PCDH11Y: variants seen among roughly 807,000 people sequenced by gnomAD.
PCDH11Y encodes the protein protocadherin 11 Y-linked.
For synonymous variants in PCDH11Y, 9 were observed against 83.6 expected (o/e 0.11, Z 4.87); for missense variants, 12 against 224.8 (o/e 0.05, Z 6.05).
At chrY:5,732,471 G>T (rs2053605379) in intron 4 of PCDH11Y, among the ~76,000 whole-genome samples, 1 of 32,649 alleles carries the variant, frequency 3.1e-5, no homozygotes, top group Admixed American at 2.8e-4. Flanking sequence ...TAGCTTTAAG[G>T]TTTCTGCTGA....
intron 4 of PCDH11Y, among the ~76,000 whole-genome samples, chrY:5,612,204 G>A: frequency 6.1e-5 from 2 of 32,787 alleles, no homozygotes; most frequent in South Asian, 6.9e-4. Flanking sequence ...TCCTCCTAGC[G>A]AGAGCCCGTT....
chrY:5,051,441 G>A, upstream of PCDH11Y, among the ~76,000 whole-genome samples: 1 of 33,184 alleles, frequency 3.0e-5, no homozygotes, highest in Admixed American at 2.8e-4. Context: ...ATAGACAAAC[G>A]TTATATTTTT....
intron 2 of PCDH11Y, among the ~76,000 whole-genome samples, chrY:5,385,893 G>T (rs2053214272): frequency 1.4e-3 from 48 of 33,161 alleles, no homozygotes; most frequent in Admixed American, 0.012. Context: ...GTTCCTTGTA[G>T]ATTCTGGATA....
At chrY:5,045,807 G>A (rs1602848139) in intron 3 of PCDH11Y, among the ~76,000 whole-genome samples, 4 of 32,434 alleles carry the variant, frequency 1.2e-4, no homozygotes, top group Non-Finnish European at 2.3e-4. Flanking sequence ...GGCTTTGCTC[G>A]TTTCTTTTTA....
chrY:5,674,407 G>A (rs2053551967), intron 4 of PCDH11Y, among the ~76,000 whole-genome samples: 1 of 32,628 alleles, frequency 3.1e-5, no homozygotes, highest in Non-Finnish European at 7.5e-5. Context: ...GGCCCACACA[G>A]CAGAAGTGGT....
At chrY:5,700,781 T>G in intron 4 of PCDH11Y, among the ~76,000 whole-genome samples, 1 of 33,679 alleles carries the variant, frequency 3.0e-5, no homozygotes, top group African/African-American at 1.2e-4. Flanking sequence ...GACTTTGGTA[T>G]TAAGTAACAG....
At chrY:5,029,964 T>C (rs2052586997) in intron 1 of PCDH11Y, among the ~76,000 whole-genome samples, 1 of 29,649 alleles carries the variant, frequency 3.4e-5, no homozygotes, top group Non-Finnish European at 8.1e-5. Context: ...GTGATGGATC[T>C]GGGCATTGAT....
chrY:5,151,710 T>A, intron 2 of PCDH11Y, among the ~76,000 whole-genome samples: 1 of 31,072 alleles, frequency 3.2e-5, no homozygotes, highest in South Asian at 7.2e-4. Context: ...ACCAAGCTAC[T>A]TATTTTGGGG....
intron 2 of PCDH11Y, among the ~76,000 whole-genome samples, chrY:5,369,484 T>C (rs2053185475): frequency 3.0e-5 from 1 of 33,458 alleles, no homozygotes; most frequent in Non-Finnish European, 7.4e-5. Flanking sequence ...TGTGTAACTA[T>C]AAGTCCAATT....
At chrY:5,265,333 G>A in intron 2 of PCDH11Y, among the ~76,000 whole-genome samples, 2 of 27,585 alleles carry the variant, frequency 7.3e-5, no homozygotes, top group Non-Finnish European at 1.7e-4. Context: ...TTTTCTCTGG[G>A]GTGGGACAGA....
At chrY:5,286,766 G>A (rs2124661370) in intron 2 of PCDH11Y, among the ~76,000 whole-genome samples, 1 of 32,904 alleles carries the variant, frequency 3.0e-5, no homozygotes, top group Admixed American at 2.8e-4. Context: ...TGCTGAAGTT[G>A]TTTATCAGAT....
chrY:5,096,583 C>T, intron 1 of PCDH11Y, among the ~76,000 whole-genome samples: 1 of 27,497 alleles, frequency 3.6e-5, no homozygotes, highest in South Asian at 9.2e-4. Flanking sequence ...CATAATGCTG[C>T]AAGTAACACT....
At chrY:5,674,413 G>A in intron 4 of PCDH11Y, among the ~76,000 whole-genome samples, 12 of 32,797 alleles carry the variant, frequency 3.7e-4, no homozygotes. Context: ...CACAGCAGAA[G>A]TGGTTTGCTA....
chrY:5,219,170 G>T, intron 2 of PCDH11Y, among the ~76,000 whole-genome samples: 1 of 33,830 alleles, frequency 3.0e-5, no homozygotes. Context: ...ATGCTGCAAA[G>T]AACATGAGAA....
At chrY:5,385,562 G>A in intron 2 of PCDH11Y, among the ~76,000 whole-genome samples, 1 of 32,555 alleles carries the variant, frequency 3.1e-5, no homozygotes, top group Non-Finnish European at 7.5e-5. Context: ...CATTTGGGCT[G>A]GTTCCATATT....
At chrY:5,540,278 T>G in intron 3 of PCDH11Y, among the ~76,000 whole-genome samples, 1 of 33,311 alleles carries the variant, frequency 3.0e-5, no homozygotes, top group African/African-American at 1.2e-4. Context: ...TTATTTACCT[T>G]CATGCCTATG....
chrY:5,135,043 A>G, intron 2 of PCDH11Y, among the ~76,000 whole-genome samples: 1 of 33,687 alleles, frequency 3.0e-5, no homozygotes, highest in African/African-American at 1.2e-4. Flanking sequence ...ATTTAACCTT[A>G]CCTAGAAATG....
At chrY:5,653,559 A>C in intron 4 of PCDH11Y, among the ~76,000 whole-genome samples, 1 of 33,032 alleles carries the variant, frequency 3.0e-5, no homozygotes, top group Non-Finnish European at 7.4e-5. Flanking sequence ...AGAAGTTTAG[A>C]GAAAAAAAGC....
At chrY:5,125,768 C>T in intron 2 of PCDH11Y, among the ~76,000 whole-genome samples, 6 of 33,115 alleles carry the variant, frequency 1.8e-4, no homozygotes, top group Non-Finnish European at 3.0e-4. Flanking sequence ...TGTGTGTGCA[C>T]GCATGTGCGC....
Sources: gnomAD v4.1 joint callset for allele counts (sites outside exome capture counted in the v4.1 genomes callset) on GRCh38, gnomAD v4.1.1 for gene constraint, MANE v1.5 for transcripts, NCBI Gene and HGNC (gene_info 2026-07-23, HGNC 2026-07-21) for gene names.